The following FMNL2 variants were observed in gnomAD, a reference collection of about 807,000 sequenced individuals.
FMNL2 encodes the protein formin-like protein 2.
Under a neutral mutation model 130.2 loss-of-function variants are expected in FMNL2, and 51 were observed. The observed-to-expected ratio is 0.39, with a 90% confidence interval of 0.31 to 0.49. The LOEUF (loss-of-function observed/expected upper bound fraction) is 0.49, where lower values mean the gene tolerates loss of function less well. Ranked by LOEUF, FMNL2 falls within the 20% of genes least tolerant of loss-of-function variation. The pLI is 0.85. For synonymous variants in FMNL2, 465 were observed against 467.1 expected (o/e 1.00, Z 0.06); for missense variants, 977 against 1,316.2 (o/e 0.74, Z 3.99).
Position 152,542,723 on chromosome 2 carries a change from T to G in FMNL2, c.202-16T>G. On this transcript the variant is annotated splice_polypyrimidine_tract_variant and intron_variant, in intron 2 of 25. Transcript: ENST00000288670. Reference sequence around the variant, plus strand: ...CTTCATACCTTTCATGCTTTGGACTTTTGTGCTTTCTGCAGGAACGATTCC... The same window carrying G: ...CTTCATACCTTTCATGCTTTGGACTGTTGTGCTTTCTGCAGGAACGATTCC... 3 of 1,613,872 alleles carry G rather than the reference T, an allele frequency of 1.9e-6. No individual in the cohort carries two copies.
intron 4 of FMNL2, among the ~76,000 whole-genome samples, chr2:152,555,255 C>T (rs546062433): frequency 6.1e-4 from 93 of 152,286 alleles, no homozygotes; most frequent in Admixed American, 2.2e-3. Flanking sequence ...ATGGGCTATA[C>T]TTTGAGAATC....
chr2:152,609,282 T>C (rs1377165083), intron 10 of FMNL2, among the ~76,000 whole-genome samples: 1 of 152,236 alleles, frequency 6.6e-6, no homozygotes, highest in Admixed American at 6.5e-5. Context: ...TAGTTGCCTC[T>C]TAGGCATATC....
At chr2:152,478,774 TG>T (rs1690312306) in intron 1 of FMNL2, among the ~76,000 whole-genome samples, 1 of 152,098 alleles carries the variant, frequency 6.6e-6, no homozygotes, top group South Asian at 2.1e-4. Context: ...ATAAATTCAC[TG>T]AAAAAAGTAT....
Position 152,423,200 on chromosome 2 carries a change from T to G in FMNL2, c.117+87480T>G, listed in dbSNP as rs187469653. On this transcript the variant is annotated intron_variant, in intron 1 of 25. Coordinates refer to ENST00000288670, the MANE Select transcript of FMNL2 (RefSeq NM_052905.4). ...TTAAAAACAATCCAGTTATATTATTTAATTTTAATCAAACAATATAGCACT... is the reference window on the plus strand; with the variant it reads ...TTAAAAACAATCCAGTTATATTATTGAATTTTAATCAAACAATATAGCACT... Among the ~76,000 whole-genome samples the G allele has an allele frequency of 2.1e-3, 326 of 152,338 alleles. 2 individuals carry two copies. The highest frequency in any genetic ancestry group is 7.6e-3 in the African/African-American group (318 of 41,572).
chr2:152,548,802 T>C (rs1270737545), intron 3 of FMNL2, among the ~76,000 whole-genome samples: 1 of 152,166 alleles, frequency 6.6e-6, no homozygotes, highest in Non-Finnish European at 1.5e-5. Context: ...ATCTACTTAC[T>C]GAAAGGCACA....
intron 9 of FMNL2, among the ~76,000 whole-genome samples, chr2:152,603,787 G>A (rs1471822238): frequency 2.0e-5 from 3 of 150,914 alleles, no homozygotes; most frequent in African/African-American, 7.3e-5. Context: ...CATTCCTGCG[G>A]CATTCCTATG....
intron 1 of FMNL2, among the ~76,000 whole-genome samples, chr2:152,424,091 C>T (rs1687050519): frequency 6.6e-6 from 1 of 152,104 alleles, no homozygotes; most frequent in African/African-American, 2.4e-5. Flanking sequence ...TAAAAATTAC[C>T]TTTCTCTGAA....
At position 152,580,606 on chromosome 2, in the gene FMNL2, C is replaced by T. The variant is rs1034478342; in HGVS notation, c.783-350C>T. ...ACTTAATCAATAGTTTGTTTTTCAG[C>T]ATATTCCCATTCCCTTTGTTTTTAG... On this transcript the variant is annotated intron_variant, in intron 8 of 25. Coordinates refer to ENST00000288670, the MANE Select transcript of FMNL2 (RefSeq NM_052905.4). Among the ~76,000 whole-genome samples, 11 of 152,144 alleles carry T rather than the reference C, an allele frequency of 7.2e-5. No homozygotes were observed. In the South Asian group the frequency reaches 2.1e-3, roughly 29 times the overall value.
At chr2:152,560,853 G>A (rs780556014) in intron 5 of FMNL2, 30 bp from the exon 6 acceptor site, 1 of 1,587,716 alleles carries the variant, frequency 6.3e-7, no homozygotes, top group African/African-American at 1.3e-5. Flanking sequence ...GAATTTTTCA[G>A]TCTTCAATGG....
intron 1 of FMNL2, among the ~76,000 whole-genome samples, chr2:152,383,939 A>G (rs1408571273): frequency 1.3e-5 from 2 of 152,204 alleles, no homozygotes; most frequent in African/African-American, 2.4e-5. Flanking sequence ...GGGAGCTACC[A>G]TATGTTATAC....
At chr2:152,381,269 G>A (rs1331257450) in intron 1 of FMNL2, among the ~76,000 whole-genome samples, 4 of 152,190 alleles carry the variant, frequency 2.6e-5, no homozygotes, top group Non-Finnish European at 5.9e-5. Flanking sequence ...AATTATGAGA[G>A]CAAAAGACTT....
intron 1 of FMNL2, among the ~76,000 whole-genome samples, chr2:152,488,832 C>A (rs1001490780): frequency 6.6e-6 from 1 of 151,976 alleles, no homozygotes; most frequent in South Asian, 2.1e-4. Context: ...AATCCTTGCA[C>A]TTTGGGAGGC....
At chr2:152,404,937 C>T (rs1473913615) in intron 1 of FMNL2, among the ~76,000 whole-genome samples, 1 of 152,130 alleles carries the variant, frequency 6.6e-6, no homozygotes, top group Non-Finnish European at 1.5e-5. Flanking sequence ...ACAACAGGCC[C>T]TGAGTACTGC....
chr2:152,625,673 C>G, intron 16 of FMNL2, 111 bp downstream of exon 16: 4 of 1,266,240 alleles, frequency 3.2e-6, no homozygotes, highest in Non-Finnish European at 4.3e-6. Context: ...TTTTAAGTCC[C>G]CTGATGTAAA....
At chr2:152,424,760 A>G (rs1687110998) in intron 1 of FMNL2, among the ~76,000 whole-genome samples, 1 of 152,196 alleles carries the variant, frequency 6.6e-6, no homozygotes, top group Non-Finnish European at 1.5e-5. Flanking sequence ...CATCCAGTTC[A>G]AGACCCTTTT....
At chr2:152,589,695 C>G (rs1259142358) in intron 9 of FMNL2, among the ~76,000 whole-genome samples, 1 of 152,052 alleles carries the variant, frequency 6.6e-6, no homozygotes, top group Non-Finnish European at 1.5e-5. Context: ...GGCAATATCA[C>G]CAACTCTAAA....
intron 15 of FMNL2, 40 bp from the exon 16 acceptor site, chr2:152,625,398 T>C: frequency 6.3e-7 from 1 of 1,583,776 alleles, no homozygotes; most frequent in East Asian, 2.3e-5. Context: ...GTCGTAGGCT[T>C]TTGGTGGGAT....
chr2:152,572,959 G>A (rs1696264488), intron 6 of FMNL2, among the ~76,000 whole-genome samples: 2 of 152,210 alleles, frequency 1.3e-5, no homozygotes, highest in South Asian at 4.1e-4. Flanking sequence ...AGTCTTGTAT[G>A]TTTAAGATCA....
intron 5 of FMNL2, among the ~76,000 whole-genome samples, chr2:152,559,286 G>A (rs1297628044): frequency 1.3e-5 from 2 of 152,150 alleles, no homozygotes; most frequent in African/African-American, 4.8e-5. Flanking sequence ...GGTAACAGGA[G>A]GCTGTTCCTT....
Sources: gnomAD v4.1 joint callset for allele counts (sites outside exome capture counted in the v4.1 genomes callset) on GRCh38, gnomAD v4.1.1 for gene constraint, MANE v1.5 for transcripts, NCBI Gene and HGNC (gene_info 2026-07-23, HGNC 2026-07-21) for gene names.